The following XKR9 variants were observed in gnomAD, a reference collection of about 807,000 sequenced individuals.
XKR9 encodes the protein XK-related protein 9.
XKR9 carries 32 observed loss-of-function variants against 32.0 expected under a neutral mutation model. That is an observed-to-expected ratio of 1.00 (90% CI 0.76 to 1.34). The LOEUF is 1.34. Ranked by LOEUF, XKR9 falls within the 40% of genes most tolerant of loss-of-function variation. The pLI is 0.00. For missense variants in XKR9, 546 were observed against 429.7 expected (o/e 1.27, Z -2.39); for synonymous variants, 168 against 143.4 (o/e 1.17, Z -1.22).
intron 3 of XKR9, among the ~76,000 whole-genome samples, chr8:70,683,138 T>G (rs972090644): frequency 1.3e-5 from 2 of 152,334 alleles, no homozygotes; most frequent in African/African-American, 4.8e-5. Context: ...TTCTCTTAAT[T>G]GCTTTGCCGG....
the XKR9 span, among the ~76,000 whole-genome samples, chr8:70,957,588 A>G: frequency 6.6e-6 from 1 of 151,952 alleles, no homozygotes; most frequent in Non-Finnish European, 1.5e-5. Context: ...AGATGTGTCC[A>G]TGTGTTCTCA....
the XKR9 span, among the ~76,000 whole-genome samples, chr8:70,827,368 A>G: frequency 6.6e-6 from 1 of 152,188 alleles, no homozygotes; most frequent in Non-Finnish European, 1.5e-5. Flanking sequence ...AAGACTCAAC[A>G]TTATTTAGTG....
At chr8:71,007,252 G>C in the XKR9 span, among the ~76,000 whole-genome samples, 1 of 152,164 alleles carries the variant, frequency 6.6e-6, no homozygotes, top group African/African-American at 2.4e-5. Context: ...AGGGAATTCA[G>C]TTTATAGTTT....
At chr8:70,755,850 T>C (rs1020225963) in intron 2 of XKR9, among the ~76,000 whole-genome samples, 2 of 151,766 alleles carry the variant, frequency 1.3e-5, no homozygotes, top group Non-Finnish European at 2.9e-5. Context: ...GCATGGCACA[T>C]GTATACATAT....
chr8:70,879,471 G>A, the XKR9 span, among the ~76,000 whole-genome samples: 4 of 152,156 alleles, frequency 2.6e-5, no homozygotes, highest in East Asian at 1.9e-4. Flanking sequence ...AATGATAAAA[G>A]GGATATCACC....
the XKR9 span, among the ~76,000 whole-genome samples, chr8:71,004,600 G>A: frequency 2.0e-5 from 3 of 152,322 alleles, no homozygotes; most frequent in Non-Finnish European, 4.4e-5. Flanking sequence ...TCTCTGTGAT[G>A]TCCTCTTTCT....
At chr8:71,009,164 T>G in the XKR9 span, among the ~76,000 whole-genome samples, 1 of 151,914 alleles carries the variant, frequency 6.6e-6, no homozygotes, top group Non-Finnish European at 1.5e-5. Flanking sequence ...AATAAGGTAC[T>G]GGGACTATGG....
chr8:70,936,122 C>T, the XKR9 span, among the ~76,000 whole-genome samples: 979 of 151,924 alleles, frequency 6.4e-3, 11 homozygotes, highest in African/African-American at 0.022. Flanking sequence ...AAACCCAGCA[C>T]GGAAATAATA....
intron 3 of XKR9, among the ~76,000 whole-genome samples, chr8:70,705,436 G>T (rs903260191): frequency 2.6e-5 from 4 of 152,142 alleles, no homozygotes; most frequent in African/African-American, 7.2e-5. Context: ...GGTATGATCT[G>T]GTAGGCATCT....
At chr8:70,962,109 A>G in the XKR9 span, among the ~76,000 whole-genome samples, 1 of 152,166 alleles carries the variant, frequency 6.6e-6, no homozygotes, top group African/African-American at 2.4e-5. Flanking sequence ...AATCACCGTT[A>G]TTTTTAACTA....
At chr8:70,853,384 G>T in the XKR9 span, among the ~76,000 whole-genome samples, 1 of 151,822 alleles carries the variant, frequency 6.6e-6, no homozygotes, top group African/African-American at 2.4e-5. Flanking sequence ...TATGTGTCTG[G>T]TATGTGTGTA....
chr8:70,760,279 T>C (rs1373358313), intron 2 of XKR9, among the ~76,000 whole-genome samples: 1 of 152,198 alleles, frequency 6.6e-6, no homozygotes, highest in Non-Finnish European at 1.5e-5. Context: ...AAGGGAATTG[T>C]AGTCCATCTT....
rs779881440 is a variant in XKR9 at position 70,706,954 on chromosome 8, G to A, written c.294G>A (p.Arg98=). 8 of 1,612,308 alleles carry A rather than the reference G, an allele frequency of 5.0e-6. No individual in the cohort carries two copies. The highest frequency in any genetic ancestry group is 6.8e-6 in the Non-Finnish European group (8 of 1,178,848). ...VFTRYWFALK[R]GYHAAFKYDS... is the part of the protein sequence containing the mutation. The stretch of plus-strand genomic sequence containing the variant: ...ATAGGTATTGGTTTGCCTTAAAAAG[G>A]GGTTACCATGCAGCTTTTAAATATG... Residue 98 remains arginine (R), a synonymous_variant, in exon 4 of 5, where the codon AGG becomes AGA. Coordinates refer to ENST00000408926, the MANE Select transcript of XKR9 (RefSeq NM_001011720.2).
chr8:70,773,035 G>A (rs141105763), intron 2 of XKR9, among the ~76,000 whole-genome samples: 1 of 152,302 alleles, frequency 6.6e-6, no homozygotes, highest in African/African-American at 2.4e-5. Flanking sequence ...ATGTAATGTA[G>A]ATGTATATTT....
chr8:70,832,373 CA>C, the XKR9 span, among the ~76,000 whole-genome samples: 1 of 151,858 alleles, frequency 6.6e-6, no homozygotes, highest in South Asian at 2.1e-4. Context: ...AAGTACGTGA[CA>C]AAAATAGACA....
At chr8:70,688,337 G>A (rs572230869) in intron 3 of XKR9, among the ~76,000 whole-genome samples, 54 of 152,200 alleles carry the variant, frequency 3.5e-4, no homozygotes, top group African/African-American at 1.1e-3. Flanking sequence ...AGGATATTCC[G>A]CAAGAGTTCT....
At chr8:70,918,623 G>T in the XKR9 span, among the ~76,000 whole-genome samples, 1 of 151,838 alleles carries the variant, frequency 6.6e-6, no homozygotes, top group Non-Finnish European at 1.5e-5. Flanking sequence ...TTCCTAGGAG[G>T]CAGAGATTGC....
the XKR9 span, among the ~76,000 whole-genome samples, chr8:71,002,134 C>G: frequency 2.6e-5 from 4 of 151,862 alleles, no homozygotes; most frequent in Non-Finnish European, 4.4e-5. Flanking sequence ...AGAGAAATTC[C>G]ACTACTGTTT....
chr8:70,904,896 A>G, the XKR9 span, among the ~76,000 whole-genome samples: 1 of 152,124 alleles, frequency 6.6e-6, no homozygotes, highest in Non-Finnish European at 1.5e-5. Context: ...GTTTGTCTTG[A>G]TATGAAATTC....
Sources: allele counts gnomAD v4.1 joint callset (sites outside exome capture counted in the v4.1 genomes callset), GRCh38; gene constraint gnomAD v4.1.1; transcripts MANE v1.5; gene names NCBI Gene and HGNC (gene_info 2026-07-23, HGNC 2026-07-21).